WWC1: variants seen among roughly 807,000 people sequenced by gnomAD.
The protein encoded by WWC1 is protein KIBRA.
A neutral mutation model predicts 138.4 loss-of-function variants in WWC1; 55 were observed. The ratio of observed to expected loss-of-function variants is 0.40; its 90% confidence interval spans 0.32 to 0.50. WWC1 has a LOEUF of 0.50. Ranked by LOEUF, WWC1 falls within the 20% of genes least tolerant of loss-of-function variation. The pLI, the probability that WWC1 is intolerant of heterozygous loss-of-function variation, is 0.72. For synonymous variants in WWC1, 524 were observed against 564.9 expected (o/e 0.93, Z 1.03); for missense variants, 1,226 against 1,420.4 (o/e 0.86, Z 2.20).
chr5:168,347,826 A>G (rs1019224350), intron 1 of WWC1, among the ~76,000 whole-genome samples: 2 of 152,168 alleles, frequency 1.3e-5, no homozygotes, highest in East Asian at 1.9e-4. Context: ...TCCCCTGGGT[A>G]TACTGCAGTG....
At chr5:168,328,854 T>A (rs1052115291) in intron 1 of WWC1, among the ~76,000 whole-genome samples, 1 of 152,038 alleles carries the variant, frequency 6.6e-6, no homozygotes, top group African/African-American at 2.4e-5. Context: ...TTTTTTCACT[T>A]CCCTTTCCCC....
intron 2 of WWC1, among the ~76,000 whole-genome samples, chr5:168,379,153 G>A (rs2152813989): frequency 6.6e-6 from 1 of 152,264 alleles, no homozygotes; most frequent in African/African-American, 2.4e-5. Context: ...AGGGATATGA[G>A]GGAGATGTTT....
At position 168,318,360 on chromosome 5, in the gene WWC1, A is replaced by T. The variant is rs183451508; in HGVS notation, c.119+26089A>T. On this transcript the variant is annotated intron_variant, in intron 1 of 22. Coordinates refer to ENST00000265293, the MANE Select transcript of WWC1 (RefSeq NM_015238.3). The stretch of plus-strand genomic sequence containing the variant: ...TATGTAATATAAAATTTACCATTTT[A>T]ACCATTTCCGATGTACAGCTCTGTG... Among the ~76,000 whole-genome samples the T allele has an allele frequency of 2.3e-3, 355 of 152,276 alleles. 2 individuals are homozygous for T. The highest frequency in any genetic ancestry group is 8.0e-3 in the African/African-American group (334 of 41,558).
At chr5:168,353,433 A>C (rs918593710) in intron 1 of WWC1, among the ~76,000 whole-genome samples, 8 of 152,372 alleles carry the variant, frequency 5.3e-5, no homozygotes, top group Admixed American at 5.2e-4. Flanking sequence ...AACACGCGAC[A>C]GCCCTGCCCC....
chr5:168,364,980 G>A (rs1776178938), intron 1 of WWC1, among the ~76,000 whole-genome samples: 1 of 152,178 alleles, frequency 6.6e-6, no homozygotes, highest in South Asian at 2.1e-4. Flanking sequence ...TAACAAACTT[G>A]AGAGATGGTT....
In WWC1 at chr5:168,444,480, C is replaced by G. The variant is rs1234119077; in HGVS notation, c.2434-14C>G. ...ACATTGTACCCAATGACCCAGCAAC[C>G]TTTGTCTCTATAGGACGCTGTGTCT... On this transcript the variant is annotated splice_polypyrimidine_tract_variant and intron_variant, in intron 16 of 22. Transcript: ENST00000265293. 6.4e-7 allele frequency: 1 copy of G among 1,558,092 alleles called. No individual in the cohort carries two copies. Among genetic ancestry groups the G allele is most frequent in the African/African-American group, 1.4e-5 (1 of 73,556 alleles).
In WWC1 at chr5:168,385,194, T is replaced by C; in HGVS notation, c.230-17T>C. On this transcript the variant is annotated splice_polypyrimidine_tract_variant and intron_variant, in intron 2 of 22. Coordinates refer to ENST00000265293, the MANE Select transcript of WWC1 (RefSeq NM_015238.3). ...ATTTGTGAGATGCTGACCTAGAATC[T>C]CTGGGGTCTGTTCCAGAAACCACTC... The C allele has an allele frequency of 6.2e-7, 1 of 1,613,818 alleles. No individual in the cohort carries two copies. The highest frequency in any genetic ancestry group is 8.5e-7 in the Non-Finnish European group (1 of 1,179,826).
intron 3 of WWC1, among the ~76,000 whole-genome samples, chr5:168,395,905 C>T (rs547422071): frequency 6.6e-6 from 1 of 152,294 alleles, no homozygotes; most frequent in African/African-American, 2.4e-5. Context: ...ATTTTAATGC[C>T]TTATGCATAA....
At chr5:168,356,300 G>A (rs954790391) in intron 1 of WWC1, among the ~76,000 whole-genome samples, 49 of 152,270 alleles carry the variant, frequency 3.2e-4, no homozygotes, top group Admixed American at 1.1e-3. Context: ...CAGTTCCAGG[G>A]AACATGCCGA....
At chr5:168,445,970 G>A (rs982486563) in intron 17 of WWC1, among the ~76,000 whole-genome samples, 1 of 152,100 alleles carries the variant, frequency 6.6e-6, no homozygotes, top group African/African-American at 2.4e-5. Context: ...GTCCCACACA[G>A]CAACTTTTGC....
At chr5:168,339,902 TC>T (rs1406664025) in intron 1 of WWC1, among the ~76,000 whole-genome samples, 15 of 83,652 alleles carry the variant, frequency 1.8e-4, no homozygotes, top group South Asian at 4.5e-4. Context: ...TCTGTCTCTC[TC>T]TCTTTCTCTC....
At chr5:168,461,288 C>A (rs968070443) in intron 20 of WWC1, among the ~76,000 whole-genome samples, 1 of 152,050 alleles carries the variant, frequency 6.6e-6, no homozygotes, top group Non-Finnish European at 1.5e-5. Context: ...GCTGAGATTG[C>A]GCCACTGCAC....
rs555907672 is a variant in WWC1 at position 168,410,812 on chromosome 5, A to G, written c.941+817A>G. ...AAAGCAACCTTATAGCACAGGGTCT[A>G]TCTTATTATCTCCATGTTAGAGAGG... is the stretch of plus-strand genomic sequence containing the variant. On this transcript the variant is annotated intron_variant, in intron 8 of 22. Transcript: ENST00000265293. Among the ~76,000 whole-genome samples, 16 of 152,250 alleles carry G rather than the reference A, an allele frequency of 1.1e-4. No individual in the cohort carries two copies. The East Asian group carries it at 2.5e-3, about 24-fold the overall frequency.
rs1234677665 is a variant in WWC1, at chr5:168,414,344, C to T, written c.942-4C>T. On this transcript the variant is annotated splice_region_variant and splice_polypyrimidine_tract_variant and intron_variant, in intron 8 of 22. Coordinates refer to ENST00000265293, the MANE Select transcript of WWC1 (RefSeq NM_015238.3). ...CCAGTCATGCTTGCTTTCTTGGCCC[C>T]CAGGATCGCCAACCTGAAGATCCAG... The T allele has an allele frequency of 3.7e-6, 6 of 1,612,316 alleles. No homozygotes were observed. Among genetic ancestry groups the T allele is most frequent in the Non-Finnish European group, 5.1e-6 (6 of 1,179,496 alleles).
In WWC1 at chr5:168,464,977, G is replaced by A. The variant is rs758282193; in HGVS notation, c.3150+15G>A. ...TGGAGAAGCGGGTGAGTTCTGCCTC[G>A]AAGGCAGGGGAGCCCTGCGCTCTGC... On this transcript the variant is annotated intron_variant, in intron 21 of 22. Coordinates refer to ENST00000265293, the MANE Select transcript of WWC1 (RefSeq NM_015238.3). 8.7e-5 allele frequency: 140 copies of A among 1,612,398 alleles called. No homozygotes were observed. Among genetic ancestry groups the A allele is most frequent in the South Asian group, 2.6e-4 (24 of 90,958 alleles).
chr5:168,361,299 G>T (rs546806343), intron 1 of WWC1, among the ~76,000 whole-genome samples: 1 of 152,240 alleles, frequency 6.6e-6, no homozygotes, highest in East Asian at 1.9e-4. Context: ...ATGAAGCTGG[G>T]GTTGAGCAGG....
chr5:168,464,262 A>G (rs1757055662), intron 20 of WWC1, among the ~76,000 whole-genome samples: 1 of 152,210 alleles, frequency 6.6e-6, no homozygotes. Context: ...ACAGACCTGT[A>G]TTGGGGAAAC....
At chr5:168,311,383 A>G (rs777976155) in intron 1 of WWC1, among the ~76,000 whole-genome samples, 7 of 152,180 alleles carry the variant, frequency 4.6e-5, no homozygotes, top group Non-Finnish European at 7.3e-5. Context: ...GCGGGCTGCA[A>G]CAGGGAGGTG....
At chr5:168,412,492 G>C (rs952480668) in intron 8 of WWC1, among the ~76,000 whole-genome samples, 2 of 152,112 alleles carry the variant, frequency 1.3e-5, no homozygotes, top group African/African-American at 4.8e-5. Flanking sequence ...ATCCAGTAAA[G>C]CATCAGTCAC....
Sources: allele counts gnomAD v4.1 joint callset (sites outside exome capture counted in the v4.1 genomes callset), GRCh38; gene constraint gnomAD v4.1.1; transcripts MANE v1.5; gene names NCBI Gene and HGNC (gene_info 2026-07-23, HGNC 2026-07-21).